Variants in SGCZ observed in about 807,000 individuals in gnomAD.
The protein encoded by SGCZ is sarcoglycan zeta, also known as zeta-sarcoglycan.
In SGCZ, 40 loss-of-function variants were observed where a neutral mutation model predicts 41.3. That is an observed-to-expected ratio of 0.97 (90% confidence interval 0.75 to 1.26). SGCZ has a LOEUF of 1.26. Ranked by LOEUF, SGCZ falls within the 50% of genes most tolerant of loss-of-function variation. The probability of loss-of-function intolerance (pLI) is 0.00; values close to 1 mark genes in which losing one functional copy is unlikely to be tolerated. For synonymous variants in SGCZ, 206 were observed against 137.5 expected, an observed-to-expected ratio of 1.50 and a Z score of -3.49; for missense variants, 552 against 369.8, an observed-to-expected ratio of 1.49 and a Z score of -4.04.
At chr8:14,263,409 C>T (rs1014311048) in intron 3 of SGCZ, among the ~76,000 whole-genome samples, 1 of 151,878 alleles carries the variant, frequency 6.6e-6, no homozygotes, top group Non-Finnish European at 1.5e-5. Flanking sequence ...ATTAGCCAGG[C>T]GTGGAGGCAC....
At chr8:15,133,522 A>T (rs1314173423) in intron 1 of SGCZ, among the ~76,000 whole-genome samples, 1 of 151,962 alleles carries the variant, frequency 6.6e-6, no homozygotes, top group Non-Finnish European at 1.5e-5. Flanking sequence ...AGTTCTTTTT[A>T]CTCACTCTTC....
intron 1 of SGCZ, among the ~76,000 whole-genome samples, chr8:14,861,724 T>C (rs1803753294): frequency 6.6e-6 from 1 of 152,076 alleles, no homozygotes; most frequent in Admixed American, 6.6e-5. Context: ...CATTTTGCAC[T>C]GGGACCCACA....
intron 1 of SGCZ, among the ~76,000 whole-genome samples, chr8:14,885,287 T>C (rs1008759769): frequency 2.0e-5 from 3 of 152,168 alleles, no homozygotes; most frequent in Admixed American, 6.6e-5. Context: ...GGATGATTCA[T>C]AGTGGGTGTT....
intron 5 of SGCZ, among the ~76,000 whole-genome samples, chr8:14,142,784 G>C (rs557116005): frequency 8.4e-4 from 128 of 152,212 alleles, no homozygotes; most frequent in South Asian, 1.7e-3. Context: ...TGTCATCCCT[G>C]TTGTGAGTTC....
chr8:14,819,629 G>T (rs1440909197), intron 1 of SGCZ, among the ~76,000 whole-genome samples: 2 of 152,100 alleles, frequency 1.3e-5, no homozygotes, highest in Admixed American at 6.5e-5. Flanking sequence ...CAATACTCCA[G>T]TATGAAGGAT....
intron 2 of SGCZ, among the ~76,000 whole-genome samples, chr8:14,475,016 T>C (rs76947118): frequency 9.2e-5 from 14 of 152,140 alleles, no homozygotes; most frequent in African/African-American, 2.7e-4. Context: ...TCTTCTCCAA[T>C]CTAGCATCAG....
intron 1 of SGCZ, among the ~76,000 whole-genome samples, chr8:15,018,086 A>G (rs969728475): frequency 5.9e-5 from 9 of 152,162 alleles, no homozygotes; most frequent in African/African-American, 1.9e-4. Context: ...CTGAAATAAT[A>G]TCAAACACAA....
intron 2 of SGCZ, among the ~76,000 whole-genome samples, chr8:14,450,599 A>G (rs576466544): frequency 6.6e-6 from 1 of 152,302 alleles, no homozygotes; most frequent in Non-Finnish European, 1.5e-5. Context: ...GATCACTGCT[A>G]TTTTATAGAA....
At chr8:14,847,334 C>T (rs972558410) in intron 1 of SGCZ, among the ~76,000 whole-genome samples, 11 of 151,804 alleles carry the variant, frequency 7.2e-5, no homozygotes, top group South Asian at 6.2e-4. Flanking sequence ...GTTTGTGGAC[C>T]AATATCCCTC....
At chr8:14,189,534 C>G (rs931248793) in intron 4 of SGCZ, among the ~76,000 whole-genome samples, 1 of 152,164 alleles carries the variant, frequency 6.6e-6, no homozygotes, top group Non-Finnish European at 1.5e-5. Flanking sequence ...GATCCTTCAC[C>G]CTGACATGTT....
Position 14,799,949 on chromosome 8 carries a change from G to A in SGCZ, c.40-245023C>T, listed in dbSNP as rs191155011. ...TCGTTGATAAGTATTATAAACAGAG[G>A]TATTTTTGTAAAAAGTATTTTCTTA... On this transcript the variant is annotated intron_variant, in intron 1 of 7. Coordinates refer to ENST00000382080, the MANE Select transcript of SGCZ (RefSeq NM_139167.4). Among the ~76,000 whole-genome samples the A allele has an allele frequency of 1.4e-3, 220 of 152,186 alleles. 2 individuals are homozygous for A. Among genetic ancestry groups the A allele is most frequent in the Admixed American group, 7.0e-3 (107 of 15,284 alleles).
At position 15,190,499 on chromosome 8, in the gene SGCZ, A is replaced by C. The variant is rs149582288; in HGVS notation, c.39+47086T>G. 3.9e-5 allele frequency among the ~76,000 whole-genome samples: 6 copies of C among 152,282 alleles called. No homozygotes were observed. In the East Asian group the frequency reaches 9.7e-4, roughly 25 times the overall value. On this transcript the variant is annotated intron_variant, in intron 1 of 7. Coordinates refer to ENST00000382080, the MANE Select transcript of SGCZ (RefSeq NM_139167.4). ...AGGCAAGTCAAAGATTAGAAATCAG[A>C]CACTGTGGTGTACTTACAATAAAGC...
intron 3 of SGCZ, among the ~76,000 whole-genome samples, chr8:14,268,468 C>G (rs1203185577): frequency 1.3e-5 from 2 of 151,576 alleles, no homozygotes; most frequent in African/African-American, 4.8e-5. Context: ...ATAGTTAATA[C>G]TTGCATATTT....
chr8:14,151,551 G>C (rs1423138881), intron 5 of SGCZ, among the ~76,000 whole-genome samples: 1 of 151,962 alleles, frequency 6.6e-6, no homozygotes, highest in African/African-American at 2.4e-5. Context: ...ATTAAAGCAA[G>C]AGTATTATGA....
intron 2 of SGCZ, among the ~76,000 whole-genome samples, chr8:14,334,211 A>G (rs570532139): frequency 6.6e-6 from 1 of 152,178 alleles, no homozygotes; most frequent in African/African-American, 2.4e-5. Context: ...AAAGCCTTTT[A>G]TAGGAATTTC....
At chr8:14,108,582 A>G (rs1225852543) in intron 5 of SGCZ, among the ~76,000 whole-genome samples, 1 of 152,102 alleles carries the variant, frequency 6.6e-6, no homozygotes, top group African/African-American at 2.4e-5. Context: ...CGACCGTGAG[A>G]ACATTATGGG....
intron 1 of SGCZ, among the ~76,000 whole-genome samples, chr8:14,639,258 A>ACCTTACCACTAATATATTATTAGTG (rs1352534591): frequency 2.6e-5 from 4 of 151,542 alleles, no homozygotes; most frequent in African/African-American, 7.3e-5. Flanking sequence ...ACTCTTACTT[A>ACCTTACCACTAATATATTATTAGTG]CCTTACCACT....
intron 5 of SGCZ, among the ~76,000 whole-genome samples, chr8:14,137,876 T>G (rs1483422636): frequency 1.3e-5 from 2 of 151,940 alleles, no homozygotes; most frequent in Non-Finnish European, 2.9e-5. Context: ...GACACATAAT[T>G]GTCAGATTCA....
At position 14,978,470 on chromosome 8, in the gene SGCZ, C is replaced by CAAAAAAAAA. The variant is rs59543494; in HGVS notation, c.39+259106_39+259114dup. Among the ~76,000 whole-genome samples the CAAAAAAAAA allele has an allele frequency of 7.0e-4, 44 of 62,822 alleles. 5 individuals are homozygous for CAAAAAAAAA. The highest frequency in any genetic ancestry group is 1.7e-3 in the African/African-American group (20 of 12,052). The allele number at this position is 62,822 out of a possible 152,430, so 41.2% of individuals were successfully genotyped here. A position where few individuals can be genotyped will look rare whatever the true frequency, so the allele number is the denominator to read the frequency against. ...TGGAGGACCGAGTGAGACACCGTCACAAAAAAAAAAAAAAAAAAAAAAAAA... is the reference window on the plus strand; with the variant it reads ...TGGAGGACCGAGTGAGACACCGTCACAAAAAAAAAAAAAAAAAAAAAAAAAAAAAAAAAA... On this transcript the variant is annotated intron_variant, in intron 1 of 7. Coordinates refer to ENST00000382080, the MANE Select transcript of SGCZ (RefSeq NM_139167.4).
Sources: gnomAD v4.1 joint callset for allele counts (sites outside exome capture counted in the v4.1 genomes callset) on GRCh38, gnomAD v4.1.1 for gene constraint, MANE v1.5 for transcripts, NCBI Gene and HGNC (gene_info 2026-07-23, HGNC 2026-07-21) for gene names.